The following PPARGC1A variants were observed in gnomAD, a reference collection of about 807,000 sequenced individuals.
PPARGC1A encodes PPARG coactivator 1 alpha.
Under a neutral mutation model 88.7 loss-of-function variants are expected in PPARGC1A, and 25 were observed. The ratio of observed to expected loss-of-function variants is 0.28; its 90% confidence interval spans 0.21 to 0.39. The LOEUF is 0.39. Among genes scored for constraint, PPARGC1A ranks in the 10% least tolerant of loss-of-function variants. The probability of loss-of-function intolerance (pLI) is 1.00; values close to 1 mark genes in which losing one functional copy is unlikely to be tolerated. For synonymous variants in PPARGC1A, 363 were observed against 355.6 expected, an observed-to-expected ratio of 1.02 and a Z score of -0.24; for missense variants, 880 against 968.7, an observed-to-expected ratio of 0.91 and a Z score of 1.22.
At chr4:24,425,899 A>C in the PPARGC1A span, among the ~76,000 whole-genome samples, 1 of 152,244 alleles carries the variant, frequency 6.6e-6, no homozygotes, top group Non-Finnish European at 1.5e-5. Flanking sequence ...AGTTGACTAA[A>C]GCTAACAACG....
the PPARGC1A span, among the ~76,000 whole-genome samples, chr4:24,302,895 C>G: frequency 6.6e-6 from 1 of 152,328 alleles, no homozygotes; most frequent in South Asian, 2.1e-4. Context: ...AGAAAACCAT[C>G]TTAATGAACA....
At chr4:24,155,312 A>C in the PPARGC1A span, among the ~76,000 whole-genome samples, 1 of 151,918 alleles carries the variant, frequency 6.6e-6, no homozygotes, top group Non-Finnish European at 1.5e-5. Context: ...CTATGGATCT[A>C]ACACTCCCTG....
chr4:24,387,934 G>GAAAGAAAGAAAGAA, the PPARGC1A span, among the ~76,000 whole-genome samples: 5,203 of 71,530 alleles, frequency 0.073, 491 homozygotes, highest in Middle Eastern at 0.089. Flanking sequence ...AAGAAAGAAA[G>GAAAGAAAGAAAGAA]AGAAAGAAAG....
the PPARGC1A span, among the ~76,000 whole-genome samples, chr4:24,113,727 C>T: frequency 6.6e-6 from 1 of 152,024 alleles, no homozygotes; most frequent in South Asian, 2.1e-4. Flanking sequence ...CCTGCTTTTC[C>T]CTGTCTGCTT....
At chr4:24,251,539 AGCCT>A in the PPARGC1A span, among the ~76,000 whole-genome samples, 1 of 152,190 alleles carries the variant, frequency 6.6e-6, no homozygotes, top group Non-Finnish European at 1.5e-5. Flanking sequence ...TCTTCCTGAA[AGCCT>A]GCCTATCTGA....
chr4:24,226,130 G>A, the PPARGC1A span, among the ~76,000 whole-genome samples: 1 of 152,112 alleles, frequency 6.6e-6, no homozygotes, highest in African/African-American at 2.4e-5. Context: ...ACATGTGTCT[G>A]ACTCTGCCGC....
the PPARGC1A span, among the ~76,000 whole-genome samples, chr4:24,017,548 G>A: frequency 6.6e-6 from 1 of 152,002 alleles, no homozygotes; most frequent in Non-Finnish European, 1.5e-5. Flanking sequence ...GAGGGAAAGA[G>A]AGACTACAAA....
At chr4:24,130,021 A>G in the PPARGC1A span, among the ~76,000 whole-genome samples, 3 of 152,132 alleles carry the variant, frequency 2.0e-5, no homozygotes, top group Admixed American at 1.3e-4. Flanking sequence ...CCGGGGAGGG[A>G]CAGCATTTGG....
chr4:24,297,028 C>A, the PPARGC1A span, among the ~76,000 whole-genome samples: 1 of 152,080 alleles, frequency 6.6e-6, no homozygotes, highest in African/African-American at 2.4e-5. Context: ...AGACAAGGGA[C>A]TTGAGTGTTG....
intron 5 of PPARGC1A, among the ~76,000 whole-genome samples, chr4:23,826,969 G>C (rs1032542562): frequency 1.3e-5 from 2 of 152,132 alleles, no homozygotes; most frequent in Admixed American, 6.5e-5. Context: ...ACAGGGTGAG[G>C]AGTAGCCCGG....
At chr4:24,224,252 T>C in the PPARGC1A span, among the ~76,000 whole-genome samples, 2 of 152,024 alleles carry the variant, frequency 1.3e-5, no homozygotes, top group African/African-American at 4.8e-5. Context: ...CAAAAGAGAA[T>C]TGGGATCCAT....
chr4:24,091,334 C>A, the PPARGC1A span: 2 of 612,004 alleles, frequency 3.3e-6, no homozygotes, highest in East Asian at 1.4e-4. Context: ...TGGACACTAC[C>A]CATGACTTTT....
At chr4:24,065,180 G>A in the PPARGC1A span, among the ~76,000 whole-genome samples, 17 of 152,202 alleles carry the variant, frequency 1.1e-4, no homozygotes, top group South Asian at 4.2e-4. Flanking sequence ...AGACCCAATC[G>A]CGTAGATCAG....
the PPARGC1A span, among the ~76,000 whole-genome samples, chr4:23,972,855 C>G: frequency 1.3e-5 from 2 of 152,292 alleles, no homozygotes; most frequent in Admixed American, 6.5e-5. Context: ...TTGAAAGACA[C>G]ATTTTCCATG....
At chr4:24,259,533 C>T in the PPARGC1A span, among the ~76,000 whole-genome samples, 20 of 152,122 alleles carry the variant, frequency 1.3e-4, no homozygotes, top group African/African-American at 3.4e-4. Flanking sequence ...TATAATACAG[C>T]GATATCATAT....
chr4:24,060,707 T>A, the PPARGC1A span, among the ~76,000 whole-genome samples: 1 of 152,210 alleles, frequency 6.6e-6, no homozygotes. Flanking sequence ...CTTGGACATT[T>A]CAAATGAAAT....
At chr4:23,972,371 CT>C in the PPARGC1A span, among the ~76,000 whole-genome samples, 1 of 152,144 alleles carries the variant, frequency 6.6e-6, no homozygotes, top group Non-Finnish European at 1.5e-5. Flanking sequence ...TTTCAGAGAA[CT>C]ATAGATAGAG....
In PPARGC1A at chr4:23,851,874, T is replaced by A. The variant is rs180724396; in HGVS notation, c.235-20123A>T. Among the ~76,000 whole-genome samples, 29 of 152,300 alleles carry A rather than the reference T, an allele frequency of 1.9e-4. 1 individual carries two copies. Among genetic ancestry groups the A allele is most frequent in the Admixed American group, 1.8e-3 (28 of 15,280 alleles). On this transcript the variant is annotated intron_variant, in intron 2 of 12. Transcript: ENST00000264867. ...CATTAAGTATACTACATCCAGTGCT[T>A]CTTTAACATTAATGTGCATATGAAT...
the PPARGC1A span, among the ~76,000 whole-genome samples, chr4:24,131,089 T>C: frequency 6.6e-6 from 1 of 152,222 alleles, no homozygotes; most frequent in Admixed American, 6.5e-5. Flanking sequence ...CTGATATGTC[T>C]TTCTCTTTCT....
Sources: allele counts gnomAD v4.1 joint callset (sites outside exome capture counted in the v4.1 genomes callset), GRCh38; gene constraint gnomAD v4.1.1; transcripts MANE v1.5; gene names NCBI Gene and HGNC (gene_info 2026-07-23, HGNC 2026-07-21).